PRKN: variants seen among roughly 807,000 people sequenced by gnomAD.
PRKN encodes E3 ubiquitin-protein ligase parkin.
PRKN carries 56 observed loss-of-function variants against 59.5 expected under a neutral mutation model. The ratio of observed to expected loss-of-function variants is 0.94; its 90% CI spans 0.76 to 1.18. The LOEUF (loss-of-function observed/expected upper bound fraction) is 1.18, where lower values mean the gene tolerates loss of function less well. Among genes scored for constraint, PRKN ranks in the 50% most tolerant of loss-of-function variants. The pLI, the probability that PRKN is intolerant of heterozygous loss-of-function variation, is 0.00. For missense variants in PRKN, 657 were observed against 596.4 expected (o/e 1.10, Z -1.06); for synonymous variants, 250 against 222.1 (o/e 1.13, Z -1.12).
At chr6:162,550,148 G>A (rs1395015630) in intron 1 of PRKN, among the ~76,000 whole-genome samples, 2 of 152,086 alleles carry the variant, frequency 1.3e-5, no homozygotes, top group Admixed American at 6.6e-5. Context: ...TAGTGTAAAG[G>A]ATAAAGTAAG....
intron 7 of PRKN, among the ~76,000 whole-genome samples, chr6:161,767,035 G>A (rs1297501806): frequency 1.3e-5 from 2 of 152,148 alleles, no homozygotes; most frequent in African/African-American, 4.8e-5. Flanking sequence ...GTATCCAGTA[G>A]CTAGAAAGTA....
chr6:162,526,270 G>GAAAA (rs200722148), intron 1 of PRKN, among the ~76,000 whole-genome samples: 14 of 132,862 alleles, frequency 1.1e-4, no homozygotes, highest in African/African-American at 3.8e-4. Context: ...CAAGGCTAAG[G>GAAAA]GAAAAAAAAA....
chr6:161,514,593 G>A (rs969038735), intron 9 of PRKN, among the ~76,000 whole-genome samples: 20 of 152,130 alleles, frequency 1.3e-4, no homozygotes, highest in Admixed American at 3.3e-4. Flanking sequence ...TGTGACTCAC[G>A]CTGGCTTAGG....
At chr6:162,549,000 G>T (rs529994095) in intron 1 of PRKN, among the ~76,000 whole-genome samples, 15 of 152,016 alleles carry the variant, frequency 9.9e-5, no homozygotes, top group Non-Finnish European at 1.9e-4. Context: ...ATCTGAGGCT[G>T]TTATGGACTC....
Position 162,178,716 on chromosome 6 carries a change from C to T in PRKN, c.534+22415G>A, listed in dbSNP as rs147800680. ...TTATGACACAAAGAATGAGTGATAA[C>T]TCAGTCTTCTCAGTTTTGTGTCGTT... On this transcript the variant is annotated intron_variant, in intron 4 of 11. Transcript: ENST00000366898. Among the ~76,000 whole-genome samples the T allele has an allele frequency of 2.0e-3, 309 of 152,284 alleles. 1 individual carries two copies. Among genetic ancestry groups the T allele is most frequent in the Non-Finnish European group, 3.8e-3 (256 of 68,032 alleles).
At chr6:161,570,124 T>TAAAAAAAAAAAA (rs55699586) in intron 7 of PRKN, among the ~76,000 whole-genome samples, 4 of 51,414 alleles carry the variant, frequency 7.8e-5, no homozygotes, top group Non-Finnish European at 1.4e-4. Context: ...AGTAAATAGG[T>TAAAAAAAAAAAA]AAAAAAAAAA....
In PRKN at chr6:161,390,497, T is replaced by C. The variant is rs1355016089; in HGVS notation, c.1084-3620A>G. 6.6e-6 allele frequency among the ~76,000 whole-genome samples: 1 copy of C among 152,196 alleles called. No individual in the cohort carries two copies. ...AACAAAGATGTGATTTATTTATTTATTTATTTATTGAGACAGAGTCTTGCT... is the reference window on the plus strand; with the variant it reads ...AACAAAGATGTGATTTATTTATTTACTTATTTATTGAGACAGAGTCTTGCT... On this transcript the variant is annotated intron_variant, in intron 9 of 11. Transcript: ENST00000366898. This position sits in a 1 kb window ranked among gnomAD's most constrained non-coding sequence, Gnocchi z 7.0.
chr6:162,530,118 G>A (rs113529360), intron 1 of PRKN, among the ~76,000 whole-genome samples: 3,103 of 146,384 alleles, frequency 0.021, 110 homozygotes, highest in African/African-American at 0.073. Context: ...CAACAAGAGC[G>A]AAACTAACTC....
chr6:162,261,513 G>A (rs542408073), intron 3 of PRKN, among the ~76,000 whole-genome samples: 5 of 152,164 alleles, frequency 3.3e-5, no homozygotes, highest in East Asian at 3.9e-4. Flanking sequence ...GCTTGGGTTC[G>A]ATATTTATAT....
chr6:161,367,172 G>A (rs545610314), intron 10 of PRKN, among the ~76,000 whole-genome samples: 1 of 151,666 alleles, frequency 6.6e-6, no homozygotes, highest in African/African-American at 2.4e-5. Flanking sequence ...TAGTAGAGAC[G>A]GGGTTTCACC....
chr6:162,478,877 G>A (rs886355940), intron 1 of PRKN, among the ~76,000 whole-genome samples: 10 of 152,090 alleles, frequency 6.6e-5, no homozygotes, highest in Admixed American at 3.3e-4. Flanking sequence ...TGGGACACTC[G>A]TCTAGGAAAC....
intron 9 of PRKN, among the ~76,000 whole-genome samples, chr6:161,516,826 C>CAAAAAAAAAAAAAAAAAAAAA (rs369136348): frequency 9.7e-4 from 61 of 63,142 alleles, no homozygotes; most frequent in East Asian, 2.3e-3. Flanking sequence ...GACTCAATCT[C>CAAAAAAAAAAAAAAAAAAAAA]AAAAAAAAAA....
At chr6:162,462,502 G>T (rs1791223004) in intron 1 of PRKN, among the ~76,000 whole-genome samples, 1 of 152,078 alleles carries the variant, frequency 6.6e-6, no homozygotes. Flanking sequence ...GTATGTGTAT[G>T]GTGTGTATAC....
intron 7 of PRKN, among the ~76,000 whole-genome samples, chr6:161,642,653 C>G (rs191677627): frequency 9.5e-4 from 145 of 152,034 alleles, no homozygotes; most frequent in African/African-American, 3.3e-3. Context: ...TAAGTACCCA[C>G]AAAAATTTTA....
rs1010332721 is a variant in PRKN at position 161,460,130 on chromosome 6, C to T, written c.1084-73253G>A. On this transcript the variant is annotated intron_variant, in intron 9 of 11. Coordinates refer to ENST00000366898, the MANE Select transcript of PRKN (RefSeq NM_004562.3). This position sits in a 1 kb window ranked among gnomAD's most constrained non-coding sequence, Gnocchi z 5.0. ...AATATAAACAGCAATTGATCCTACCCTCAATAAGTCATCTGCTTAGAGGAC... is the reference window on the plus strand; with the variant it reads ...AATATAAACAGCAATTGATCCTACCTTCAATAAGTCATCTGCTTAGAGGAC... Among the ~76,000 whole-genome samples, 5 of 152,168 alleles carry T rather than the reference C, an allele frequency of 3.3e-5. No homozygotes were observed. Among genetic ancestry groups the T allele is most frequent in the Admixed American group, 1.3e-4 (2 of 15,282 alleles).
chr6:162,094,311 G>A (rs1779637262), intron 4 of PRKN, among the ~76,000 whole-genome samples: 2 of 151,970 alleles, frequency 1.3e-5, no homozygotes, highest in South Asian at 4.2e-4. Flanking sequence ...GCAACAAAGC[G>A]AGAGCCCATC....
chr6:162,356,055 T>C (rs1245815760), intron 2 of PRKN, among the ~76,000 whole-genome samples: 1 of 152,098 alleles, frequency 6.6e-6, no homozygotes, highest in African/African-American at 2.4e-5. Flanking sequence ...ACATTCTGTG[T>C]GAGGGCACTG....
chr6:161,913,246 CTCAAAAGAAAA>C (rs1054421083), intron 6 of PRKN, among the ~76,000 whole-genome samples: 3 of 148,478 alleles, frequency 2.0e-5, no homozygotes, highest in Admixed American at 2.0e-4. Context: ...AATAGTCAAA[CTCAAAAGAAAA>C]TCAGCAAACT....
At chr6:162,709,163 C>T (rs902280496) in intron 1 of PRKN, among the ~76,000 whole-genome samples, 9 of 151,824 alleles carry the variant, frequency 5.9e-5, no homozygotes, top group Non-Finnish European at 1.2e-4. Flanking sequence ...TACACTATGG[C>T]GAATTGTTAT....
Sources: gnomAD v4.1 joint callset for allele counts (sites outside exome capture counted in the v4.1 genomes callset) on GRCh38, gnomAD v4.1.1 for gene constraint, Gnocchi (gnomAD v3.1) non-coding constraint, MANE v1.5 for transcripts, NCBI Gene and HGNC (gene_info 2026-07-23, HGNC 2026-07-21) for gene names.